Variants in CMIP observed in about 807,000 individuals in gnomAD.
The protein encoded by CMIP is C-Maf-inducing protein.
Under a neutral mutation model 97.3 loss-of-function variants are expected in CMIP, and 13 were observed. The ratio of observed to expected loss-of-function variants is 0.13; its 90% CI spans 0.09 to 0.21. The LOEUF (loss-of-function observed/expected upper bound fraction) is 0.21. Among genes scored for constraint, CMIP ranks in the 10% least tolerant of loss-of-function variants. CMIP has a pLI of 1.00. For missense variants in CMIP, 847 were observed against 1,024.9 expected (o/e 0.83, Z 2.37); for synonymous variants, 538 against 436.3 (o/e 1.23, Z -2.91).
At chr16:81,653,538 C>T (rs1426720918) in intron 4 of CMIP, among the ~76,000 whole-genome samples, 1 of 152,252 alleles carries the variant, frequency 6.6e-6, no homozygotes, top group Non-Finnish European at 1.5e-5. Context: ...GGAAATGAAT[C>T]ACAGAGTGGC....
At chr16:81,605,051 A>G (rs575845789) in intron 1 of CMIP, among the ~76,000 whole-genome samples, 2 of 152,332 alleles carry the variant, frequency 1.3e-5, no homozygotes, top group South Asian at 4.1e-4. Flanking sequence ...AACACAATAA[A>G]TATTTGAATA....
At chr16:81,450,379 C>T (rs1248108588) in intron 1 of CMIP, among the ~76,000 whole-genome samples, 1 of 152,172 alleles carries the variant, frequency 6.6e-6, no homozygotes, top group Non-Finnish European at 1.5e-5. Flanking sequence ...GGTGCAGTTT[C>T]CTGGCTGTGT....
At chr16:81,529,927 G>T (rs926186584) in intron 1 of CMIP, among the ~76,000 whole-genome samples, 5 of 152,194 alleles carry the variant, frequency 3.3e-5, no homozygotes, top group Non-Finnish European at 7.3e-5. Flanking sequence ...CATTGCGTGT[G>T]TGGCCATTTG....
chr16:81,644,805 C>G (rs771209645), intron 3 of CMIP, among the ~76,000 whole-genome samples: 5 of 152,164 alleles, frequency 3.3e-5, no homozygotes, highest in African/African-American at 7.2e-5. Context: ...TAAGAAAATT[C>G]CAAGGCAGGG....
chr16:81,458,285 G>C (rs1906684938), intron 1 of CMIP, among the ~76,000 whole-genome samples: 1 of 152,128 alleles, frequency 6.6e-6, no homozygotes, highest in Non-Finnish European at 1.5e-5. Context: ...CACCTGGAAG[G>C]CTATTAAAAA....
At chr16:81,565,763 T>C (rs955326173) in intron 1 of CMIP, among the ~76,000 whole-genome samples, 2 of 152,024 alleles carry the variant, frequency 1.3e-5, no homozygotes, top group African/African-American at 4.8e-5. Context: ...GACTCATTCG[T>C]GCTGTCATTC....
chr16:81,610,180 C>T, intron 2 of CMIP: 1 of 302,746 alleles, frequency 3.3e-6, no homozygotes, highest in Non-Finnish European at 4.9e-6. Flanking sequence ...GATGGAGGGG[C>T]AGTGAGGCTG....
chr16:81,473,614 T>G (rs188643842), intron 1 of CMIP, among the ~76,000 whole-genome samples: 1 of 145,302 alleles, frequency 6.9e-6, no homozygotes, highest in East Asian at 1.9e-4. Flanking sequence ...TATTTCCCAT[T>G]AAGGGATTCA....
At chr16:81,508,518 C>T (rs185766034) in intron 1 of CMIP, among the ~76,000 whole-genome samples, 18 of 152,310 alleles carry the variant, frequency 1.2e-4, no homozygotes, top group Admixed American at 1.2e-3. Flanking sequence ...TTACTGATGG[C>T]TGTTTTTGCA....
In CMIP at chr16:81,629,424, C is replaced by G. The variant is rs566114335; in HGVS notation, c.477+8498C>G. On this transcript the variant is annotated intron_variant, in intron 3 of 20. Coordinates refer to ENST00000537098, the MANE Select transcript of CMIP (RefSeq NM_198390.3). ...CTCCCTCACTCTATACAGTGACCCT[C>G]CGAGGTGGCTCCTGGCTGGGCCTGT... 2.0e-5 allele frequency among the ~76,000 whole-genome samples: 3 copies of G among 152,320 alleles called. No individual in the cohort carries two copies. The South Asian group carries it at 6.2e-4, about 32-fold the overall frequency.
rs1024535541 is a variant in CMIP at position 81,453,560 on chromosome 16, T to C, written c.300+8019T>C. On this transcript the variant is annotated intron_variant, in intron 1 of 20. Coordinates refer to ENST00000537098, the MANE Select transcript of CMIP (RefSeq NM_198390.3). The surrounding 1 kb of genome is among the most constrained non-coding windows in gnomAD (Gnocchi z 4.0). ...TCTCCTCCCTCGCATGTTGGCTCCC[T>C]GTGTGGACTAGGTGACCCTGTTTAC... Among the ~76,000 whole-genome samples, 2 of 152,184 alleles carry C rather than the reference T, an allele frequency of 1.3e-5. No homozygotes were observed. The highest frequency in any genetic ancestry group is 2.9e-5 in the Non-Finnish European group (2 of 68,028).
intron 1 of CMIP, among the ~76,000 whole-genome samples, chr16:81,606,510 G>A (rs1294584669): frequency 3.3e-5 from 5 of 152,176 alleles, no homozygotes. Flanking sequence ...GGGACAGCAA[G>A]ACTCACTCAG....
chr16:81,664,042 G>A (rs2092576684), intron 6 of CMIP, among the ~76,000 whole-genome samples: 1 of 152,150 alleles, frequency 6.6e-6, no homozygotes, highest in Non-Finnish European at 1.5e-5. Context: ...CGTGCCGGGG[G>A]CAGGGGGTAT....
chr16:81,512,536 G>T (rs1245469081), intron 1 of CMIP, among the ~76,000 whole-genome samples: 1 of 152,148 alleles, frequency 6.6e-6, no homozygotes, highest in Non-Finnish European at 1.5e-5. Context: ...CATGGTTGTT[G>T]CAATGTTTAG....
In CMIP at chr16:81,492,079, A is replaced by T. The variant is rs561296206; in HGVS notation, c.300+46538A>T. 2.0e-4 allele frequency among the ~76,000 whole-genome samples: 30 copies of T among 152,230 alleles called. No individual in the cohort carries two copies. The East Asian group carries it at 5.8e-3, about 29-fold the overall frequency. On this transcript the variant is annotated intron_variant, in intron 1 of 20. Transcript: ENST00000537098. ...ATATCTGCGTGCCTGTAGCGTTTTT[A>T]TCCTTTCCTTTTGATGATGAAAGAT...
intron 1 of CMIP, among the ~76,000 whole-genome samples, chr16:81,521,185 G>C (rs1395709453): frequency 6.6e-6 from 1 of 152,248 alleles, no homozygotes; most frequent in Non-Finnish European, 1.5e-5. Context: ...CGCCGTGACT[G>C]TGGACCATGG....
chr16:81,696,536 C>G (rs751410918), intron 13 of CMIP, 24 bp from the exon 14 acceptor site: 12 of 1,597,224 alleles, frequency 7.5e-6, no homozygotes, highest in Non-Finnish European at 1.0e-5. Flanking sequence ...GCAGCTCACA[C>G]TTGTGTCTTC....
chr16:81,577,375 C>T (rs1402691203), intron 1 of CMIP, among the ~76,000 whole-genome samples: 1 of 144,296 alleles, frequency 6.9e-6, no homozygotes, highest in Non-Finnish European at 1.5e-5. Flanking sequence ...ATAACCATCA[C>T]CTTCATCACC....
intron 1 of CMIP, among the ~76,000 whole-genome samples, chr16:81,572,603 G>A (rs923076741): frequency 1.3e-5 from 2 of 152,170 alleles, no homozygotes; most frequent in Non-Finnish European, 2.9e-5. Flanking sequence ...GGAGACTGGG[G>A]CTCTGAGAAG....
Sources: gnomAD v4.1 joint callset for allele counts (sites outside exome capture counted in the v4.1 genomes callset) on GRCh38, gnomAD v4.1.1 for gene constraint, Gnocchi (gnomAD v3.1) non-coding constraint, MANE v1.5 for transcripts, NCBI Gene and HGNC (gene_info 2026-07-23, HGNC 2026-07-21) for gene names.